Variants in GRK6 observed in about 807,000 individuals in gnomAD.
GRK6 encodes G protein-coupled receptor kinase 6.
In GRK6, 37 loss-of-function variants were observed where a neutral mutation model predicts 80.8. The ratio of observed to expected loss-of-function variants is 0.46; its 90% CI spans 0.35 to 0.60. The LOEUF is 0.60. Ranked by LOEUF, GRK6 falls within the 20% of genes least tolerant of loss-of-function variation. The probability of loss-of-function intolerance (pLI) is 0.00; values close to 1 mark genes in which losing one functional copy is unlikely to be tolerated. For missense variants in GRK6, 560 were observed against 784.6 expected, an observed-to-expected ratio of 0.71 and a Z score of 3.42; for synonymous variants, 295 against 320.9, an observed-to-expected ratio of 0.92 and a Z score of 0.86.
chr5:177,431,243 A>G (rs1214337647), intron 2 of GRK6, among the ~76,000 whole-genome samples: 2 of 152,132 alleles, frequency 1.3e-5, no homozygotes, highest in Non-Finnish European at 2.9e-5. Context: ...TGAAAAGGAG[A>G]GCCAGCTAGG....
At chr5:177,430,024 T>G (rs897077076) in intron 1 of GRK6, among the ~76,000 whole-genome samples, 4 of 150,684 alleles carry the variant, frequency 2.7e-5, no homozygotes, top group African/African-American at 7.3e-5. Context: ...GCAGTGAGTT[T>G]TTTTTTTTTT....
At position 177,436,114 on chromosome 5, in the gene GRK6, G is replaced by A; in HGVS notation, c.1099G>A (p.Asp367Asn). 1 of 1,614,130 alleles carries A rather than the reference G, an allele frequency of 6.2e-7. No individual in the cohort carries two copies. Among genetic ancestry groups the A allele is most frequent in the Non-Finnish European group, 8.5e-7 (1 of 1,180,028 alleles). ...VKNERYTFSP[D>N]WWALGCLLYE... ...GAATGAACGGTACACGTTCAGCCCT[G>A]ACTGGTGGGCGCTCGGCTGCCTCCT... The change falls in exon 12 of 16, where the codon GAC becomes AAC. Residue 367 changes from aspartate (D) to asparagine (N), a missense_variant. By Grantham distance (23) the Asp-to-Asn change is conservative (BLOSUM62 1). Transcript: ENST00000355472.
upstream of GRK6, among the ~76,000 whole-genome samples, chr5:177,426,263 C>T (rs1763657170): frequency 6.6e-6 from 1 of 152,228 alleles, no homozygotes; most frequent in African/African-American, 2.4e-5. Flanking sequence ...GAGCCAAAGG[C>T]CGCCGGGCCA....
chr5:177,433,559 C>T lies in GRK6; in HGVS notation c.621C>T (p.Ala207=), dbSNP rs1389702303. Residue 207 remains alanine, a synonymous_variant, in exon 8 of 16, where the codon GCC becomes GCT. Transcript: ENST00000355472. ...FGEVCACQVR[A]TGKMYACKKL... The stretch of plus-strand genomic sequence containing the variant: ...AGGTGTGCGCCTGCCAGGTGCGGGC[C>T]ACAGGTAAGATGTATGCCTGCAAGA... 1 of 1,614,040 alleles carries T rather than the reference C, an allele frequency of 6.2e-7. No homozygotes were observed. Among genetic ancestry groups the T allele is most frequent in the East Asian group, 2.2e-5 (1 of 44,880 alleles).
In GRK6 at chr5:177,433,253, A is replaced by G; in HGVS notation, c.533+14A>G. 2 of 1,613,992 alleles carry G rather than the reference A, an allele frequency of 1.2e-6. No individual in the cohort carries two copies. The highest frequency in any genetic ancestry group is 1.7e-6 in the Non-Finnish European group (2 of 1,179,908). On this transcript the variant is annotated intron_variant, in intron 6 of 15. Transcript: ENST00000355472. ...GTGGCTGGAAAGGTGAGCTCCCTGA[A>G]GGCTGGGCCGGGACAGGCCAGGTCG...
chr5:177,437,566 G>A (rs545766360), intron 13 of GRK6, among the ~76,000 whole-genome samples: 1 of 152,178 alleles, frequency 6.6e-6, no homozygotes, highest in Non-Finnish European at 1.5e-5. Flanking sequence ...GTCAGAGTCC[G>A]GGTGGCAGAA....
chr5:177,436,334 T>TGCCCCCCCCCC, intron 12 of GRK6, 53 bp downstream of exon 12: 3 of 1,556,026 alleles, frequency 1.9e-6, no homozygotes, highest in Non-Finnish European at 1.8e-6. Flanking sequence ...GATGCACCTT[T>TGCCCCCCCCCC]CCCTCCCTCC....
rs906363715 is a variant in GRK6 at position 177,433,538 on chromosome 5, G to A, written c.600G>A (p.Val200=). The part of the protein sequence containing the change: ...RVLGKGGFGE[V]CACQVRATGK... The stretch of plus-strand genomic sequence containing the variant: ...CGCCCCTGTCTGTCTGGCCACAGGT[G>A]TGCGCCTGCCAGGTGCGGGCCACAG... The change falls in exon 8 of 16, where the codon GTG becomes GTA. Residue 200 remains valine, a splice_region_variant and synonymous_variant. Transcript: ENST00000355472. 6.2e-7 allele frequency: 1 copy of A among 1,614,086 alleles called. No individual in the cohort carries two copies. The highest frequency in any genetic ancestry group is 8.5e-7 in the Non-Finnish European group (1 of 1,180,014).
rs763012026 is a variant in GRK6, at chr5:177,433,725, C to G, written c.738+49C>G. The stretch of plus-strand genomic sequence containing the variant: ...CTTCCCCTTGGCCACACTGGCGCAC[C>G]GACCGTCCCCACCCCCCAGGCCCCA... On this transcript the variant is annotated intron_variant, in intron 8 of 15. Transcript: ENST00000355472. 6.2e-6 allele frequency: 10 copies of G among 1,601,710 alleles called. No individual in the cohort carries two copies. In the Admixed American group the frequency reaches 1.5e-4, roughly 24 times the overall value.
intron 13 of GRK6, 46 bp downstream of exon 13, chr5:177,436,576 G>A (rs374165344): frequency 8.0e-5 from 121 of 1,505,008 alleles, no homozygotes; most frequent in Non-Finnish European, 1.0e-4. Context: ...AGCCAGGGCT[G>A]GGGCTCAGGG....
At chr5:177,432,928 G>A in intron 5 of GRK6, 122 bp downstream of exon 5, 2 of 883,082 alleles carry the variant, frequency 2.3e-6, no homozygotes, top group Non-Finnish European at 3.6e-6. Context: ...CCCTGGCCTT[G>A]CCCCTGCTGT....
chr5:177,426,821 G>T lies in GRK6; in HGVS notation c.-25G>T. 7 of 1,186,442 alleles carry T rather than the reference G, an allele frequency of 5.9e-6. No homozygotes were observed. The highest frequency in any genetic ancestry group is 6.3e-6 in the Non-Finnish European group (6 of 957,550). The allele number at this position is 1,186,442 out of a possible 1,614,324, so 73.5% of individuals were successfully genotyped here. On this transcript the variant is annotated 5_prime_UTR_variant, in exon 1 of 16. Coordinates refer to ENST00000355472, the MANE Select transcript of GRK6 (RefSeq NM_001004106.3). ...GCGATCCCGGCCGGCGGCGCGGCCC[G>T]GCGGGCCAGGCGGCGCCACAGCCCA... is the stretch of plus-strand genomic sequence containing the variant.
intron 11 of GRK6, among the ~76,000 whole-genome samples, chr5:177,435,501 G>A (rs897962765): frequency 2.6e-5 from 4 of 152,226 alleles, no homozygotes; most frequent in African/African-American, 9.6e-5. Context: ...ACCGAGAGAC[G>A]CAGGAGGCAG....
rs867928560 is a variant in GRK6 at position 177,434,191 on chromosome 5, G to A, written c.929+87G>A. On this transcript the variant is annotated intron_variant, in intron 9 of 15. Coordinates refer to ENST00000355472, the MANE Select transcript of GRK6 (RefSeq NM_001004106.3). Reference sequence around the variant, plus strand: ...CTGGACGGGGGTGGCCAAGGCTGCCGATCAGGCCAGACTACAGAAGGACAT... The same window carrying A: ...CTGGACGGGGGTGGCCAAGGCTGCCAATCAGGCCAGACTACAGAAGGACAT... 57 of 1,276,486 alleles carry A rather than the reference G, an allele frequency of 4.5e-5. No individual in the cohort carries two copies. The Middle Eastern group carries it at 1.9e-3, about 42-fold the overall frequency. 79.1% of individuals were successfully genotyped at this position (1,276,486 alleles called of 1,614,324 possible). A position where few individuals can be genotyped will look rare whatever the true frequency, so the allele number is the denominator to read the frequency against.
chr5:177,436,074 T>G lies in GRK6; in HGVS notation c.1059T>G (p.Ala353=). Residue 353 remains alanine, a splice_region_variant and synonymous_variant, in exon 12 of 16, where the codon GCT becomes GCG. Transcript: ENST00000355472. The stretch of plus-strand genomic sequence containing the variant: ...CTAACTCCCATGCCGCCCGCCCAGC[T>G]CCGGAGGTGGTGAAGAATGAACGGT... ...KGRVGTVGYM[A]PEVVKNERYT... is the part of the protein sequence containing the mutation. The G allele has an allele frequency of 6.2e-7, 1 of 1,611,938 alleles. No individual in the cohort carries two copies. Among genetic ancestry groups the G allele is most frequent in the Non-Finnish European group, 8.5e-7 (1 of 1,178,474 alleles).
chr5:177,436,227 C>T lies in GRK6; in HGVS notation c.1212C>T (p.Val404=), dbSNP rs201095542. 7 of 1,614,152 alleles carry T rather than the reference C, an allele frequency of 4.3e-6. No individual in the cohort carries two copies. The East Asian group carries it at 1.6e-4, about 36-fold the overall frequency. ...REEVERLVKE[V]PEEYSERFSP... Reference sequence around the variant, plus strand: ...AGGTGGAGCGGCTGGTGAAGGAGGTCCCCGAGGAGTATTCCGAGCGCTTTT... The same window carrying T: ...AGGTGGAGCGGCTGGTGAAGGAGGTTCCCGAGGAGTATTCCGAGCGCTTTT... The change falls in exon 12 of 16, where the codon GTC becomes GTT. Residue 404 remains valine (V), a synonymous_variant. Transcript: ENST00000355472.
chr5:177,433,748 C>T lies in GRK6; in HGVS notation c.738+72C>T. On this transcript the variant is annotated intron_variant, in intron 8 of 15. Coordinates refer to ENST00000355472, the MANE Select transcript of GRK6 (RefSeq NM_001004106.3). ...ACCGACCGTCCCCACCCCCCAGGCC[C>T]CACCCTCCCATGTGGGATGCCAGGA... 3 of 1,580,542 alleles carry T rather than the reference C, an allele frequency of 1.9e-6. No individual in the cohort carries two copies. The Admixed American group carries it at 5.1e-5, about 27-fold the overall frequency.
intron 3 of GRK6, 40 bp downstream of exon 3, chr5:177,432,147 G>C (rs202107646): frequency 6.2e-7 from 1 of 1,607,076 alleles, no homozygotes; most frequent in African/African-American, 1.3e-5. Context: ...GCGGGTGGCC[G>C]AGGTCCTGGC....
chr5:177,436,518 G>T lies in GRK6; in HGVS notation c.1392G>T (p.Pro464=). The change falls in exon 13 of 16, where the codon CCG becomes CCT. Residue 464 remains proline, a synonymous_variant. Transcript: ENST00000355472. The part of the protein sequence containing the change: ...KRLGAGMLEP[P]FKPDPQAIYC... ...TGGGAGCTGGCATGCTGGAGCCGCC[G>T]TTCAAGCCTGACGTGAGTGCAGCCC... is the stretch of plus-strand genomic sequence containing the variant. 6.3e-7 allele frequency: 1 copy of T among 1,596,858 alleles called. No individual in the cohort carries two copies. Among genetic ancestry groups the T allele is most frequent in the Non-Finnish European group, 8.5e-7 (1 of 1,171,322 alleles).
Sources: gnomAD v4.1 joint callset for allele counts (sites outside exome capture counted in the v4.1 genomes callset) on GRCh38, gnomAD v4.1.1 for gene constraint, MANE v1.5 for transcripts, NCBI Gene and HGNC (gene_info 2026-07-23, HGNC 2026-07-21) for gene names.